KHDRBS3: variants seen among roughly 807,000 people sequenced by gnomAD.
KHDRBS3 encodes KH domain-containing, RNA-binding, signal transduction-associated protein 3.
KHDRBS3 carries 23 observed loss-of-function variants against 45.6 expected under a neutral mutation model. The observed-to-expected ratio is 0.50, with a 90% CI of 0.36 to 0.72. The LOEUF is 0.72. Ranked by LOEUF, KHDRBS3 falls within the 30% of genes least tolerant of loss-of-function variation. KHDRBS3 has a pLI of 0.00. For missense variants in KHDRBS3, 352 were observed against 424.8 expected (o/e 0.83, Z 1.51); for synonymous variants, 162 against 156.5 (o/e 1.04, Z -0.26).
chr8:135,621,899 T>G lies in KHDRBS3; in HGVS notation c.890+14862T>G. 1.3e-5 allele frequency among the ~76,000 whole-genome samples: 2 copies of G among 152,000 alleles called. 1 individual carries two copies. Among genetic ancestry groups the G allele is most frequent in the Non-Finnish European group, 2.9e-5 (2 of 67,990 alleles). On this transcript the variant is annotated intron_variant, in intron 7 of 8. Transcript: ENST00000355849. ...CTCAGGAGTTCCACAGATTTTTTTT[T>G]TGTTTTGGTTTTTATCAATGAAGGT...
downstream of KHDRBS3, among the ~76,000 whole-genome samples, chr8:135,649,060 T>C (rs537316408): frequency 6.6e-6 from 1 of 152,318 alleles, no homozygotes; most frequent in South Asian, 2.1e-4. Flanking sequence ...TCTGTGCTTC[T>C]GAATTTTATG....
chr8:135,586,124 G>T (rs1828459258), intron 6 of KHDRBS3, among the ~76,000 whole-genome samples: 2 of 152,142 alleles, frequency 1.3e-5, no homozygotes, highest in Admixed American at 6.5e-5. Flanking sequence ...ATGAGAAACT[G>T]CTCTCCACAA....
chr8:135,643,398 G>C (rs145408070), intron 7 of KHDRBS3, among the ~76,000 whole-genome samples: 1 of 152,212 alleles, frequency 6.6e-6, no homozygotes, highest in African/African-American at 2.4e-5. Context: ...CCAAAAGAAT[G>C]AGAACCAGGG....
intron 7 of KHDRBS3, among the ~76,000 whole-genome samples, chr8:135,626,435 C>T (rs896428437): frequency 2.1e-4 from 32 of 152,186 alleles, no homozygotes; most frequent in African/African-American, 7.7e-4. Flanking sequence ...ATCAGCATGT[C>T]CTCTGTGAGC....
intron 8 of KHDRBS3, among the ~76,000 whole-genome samples, chr8:135,645,992 A>ATTTTTTTTTTTTT (rs57082119): frequency 3.0e-5 from 3 of 100,688 alleles, no homozygotes; most frequent in African/African-American, 8.1e-5. Context: ...TGCACCTTGG[A>ATTTTTTTTTTTTT]TTTTTTTTTT....
intron 7 of KHDRBS3, among the ~76,000 whole-genome samples, chr8:135,623,657 A>G (rs1466988339): frequency 2.0e-5 from 3 of 152,134 alleles, no homozygotes; most frequent in Admixed American, 2.0e-4. Context: ...CCAGGTGGAA[A>G]ATGGGTTCCC....
intron 1 of KHDRBS3, among the ~76,000 whole-genome samples, chr8:135,460,755 T>C (rs1821387572): frequency 6.6e-6 from 1 of 152,238 alleles, no homozygotes; most frequent in East Asian, 1.9e-4. Context: ...TCCAGGATTT[T>C]GATGCTGAGG....
chr8:135,480,667 G>T (rs1360161904), intron 1 of KHDRBS3, among the ~76,000 whole-genome samples: 7 of 152,192 alleles, frequency 4.6e-5, no homozygotes, highest in South Asian at 2.1e-4. Flanking sequence ...AAAAAAAAGA[G>T]AAATGTGCTT....
At chr8:135,499,371 C>T (rs1586614902) in intron 1 of KHDRBS3, among the ~76,000 whole-genome samples, 1 of 152,198 alleles carries the variant, frequency 6.6e-6, no homozygotes, top group Non-Finnish European at 1.5e-5. Flanking sequence ...AGTTACGCGG[C>T]TGCTAAGTGG....
intron 1 of KHDRBS3, among the ~76,000 whole-genome samples, chr8:135,475,937 TA>T (rs1822257922): frequency 6.6e-6 from 1 of 152,268 alleles, no homozygotes; most frequent in African/African-American, 2.4e-5. Context: ...CTGTTTCTAC[TA>T]AATTACAGTA....
downstream of KHDRBS3, among the ~76,000 whole-genome samples, chr8:135,649,743 A>G (rs930321501): frequency 1.3e-5 from 2 of 152,198 alleles, no homozygotes; most frequent in Non-Finnish European, 2.9e-5. Flanking sequence ...ATACAGAATA[A>G]TAAGAATTAT....
In KHDRBS3 at chr8:135,521,258, G is replaced by A. The variant is rs1173018102; in HGVS notation, c.110G>A (p.Gly37Glu). The A allele has an allele frequency of 1.2e-6, 2 of 1,611,976 alleles. No homozygotes were observed. The highest frequency in any genetic ancestry group is 2.2e-5 in the South Asian group (2 of 90,990). Residue 37 changes from glycine (G) to glutamate (E), a missense_variant, in exon 2 of 9, where the codon GGA becomes GAA. Gly to Glu is a moderately conservative substitution (Grantham distance 98). Coordinates refer to ENST00000355849, the MANE Select transcript of KHDRBS3 (RefSeq NM_006558.3). ...VNQEIEKFQK[G>E]EGKDEEKYID... ...ACAGAAATAGAAAAGTTTCAAAAAG[G>A]AGAAGGCAAGGATGAAGAAAAGTAC...
At chr8:135,559,649 C>T (rs931454975) in intron 5 of KHDRBS3, among the ~76,000 whole-genome samples, 9 of 152,220 alleles carry the variant, frequency 5.9e-5, no homozygotes, top group African/African-American at 1.9e-4. Flanking sequence ...GCGTGAGCCA[C>T]CATGCCCGGC....
chr8:135,588,332 G>A (rs1221450999), intron 6 of KHDRBS3, among the ~76,000 whole-genome samples: 2 of 152,186 alleles, frequency 1.3e-5, no homozygotes, highest in African/African-American at 4.8e-5. Context: ...GTGTTGGGGA[G>A]GGCATTCCAC....
chr8:135,485,595 C>T (rs1348049661), intron 1 of KHDRBS3, among the ~76,000 whole-genome samples: 1 of 151,972 alleles, frequency 6.6e-6, no homozygotes, highest in Non-Finnish European at 1.5e-5. Context: ...TTGCTTATTG[C>T]AGGAATTTTT....
chr8:135,604,173 A>C (rs1829346282), intron 6 of KHDRBS3, among the ~76,000 whole-genome samples: 1 of 151,834 alleles, frequency 6.6e-6, no homozygotes, highest in South Asian at 2.1e-4. Flanking sequence ...ATTTTTTAAA[A>C]TGTCATTTTT....
intron 1 of KHDRBS3, among the ~76,000 whole-genome samples, chr8:135,499,121 G>A (rs1399422152): frequency 8.5e-5 from 13 of 152,162 alleles, no homozygotes; most frequent in African/African-American, 1.9e-4. Flanking sequence ...CAAAGAACAC[G>A]AGAGAGTGCA....
chr8:135,499,353 T>C (rs1214797584), intron 1 of KHDRBS3, among the ~76,000 whole-genome samples: 1 of 152,192 alleles, frequency 6.6e-6, no homozygotes, highest in African/African-American at 2.4e-5. Context: ...AGAAATTAAT[T>C]TTGCTAAAGT....
intron 1 of KHDRBS3, chr8:135,458,876 C>T: frequency 2.2e-6 from 1 of 456,248 alleles, no homozygotes; most frequent in Non-Finnish European, 4.4e-6. Flanking sequence ...GCTTTTTCCT[C>T]CTGTGGCTTC....
Sources: allele counts gnomAD v4.1 joint callset (sites outside exome capture counted in the v4.1 genomes callset), GRCh38; gene constraint gnomAD v4.1.1; transcripts MANE v1.5; gene names NCBI Gene and HGNC (gene_info 2026-07-23, HGNC 2026-07-21).